Variants in MDGA1 observed in about 807,000 individuals in gnomAD.
The protein encoded by MDGA1 is MAM domain containing glycosylphosphatidylinositol anchor 1.
MDGA1 carries 54 observed loss-of-function variants against 101.5 expected under a neutral mutation model. That is an observed-to-expected ratio of 0.53 (90% CI 0.43 to 0.67). MDGA1 has a LOEUF of 0.67. MDGA1 is among the 30% of genes least tolerant of loss of function. The probability of loss-of-function intolerance (pLI) is 0.00; values close to 1 mark genes in which losing one functional copy is unlikely to be tolerated. For synonymous variants in MDGA1, 533 were observed against 558.3 expected (o/e 0.95, Z 0.64); for missense variants, 1,083 against 1,323.8 (o/e 0.82, Z 2.82).
intron 1 of MDGA1, among the ~76,000 whole-genome samples, chr6:37,694,246 A>G (rs1762372532): frequency 6.6e-6 from 1 of 152,246 alleles, no homozygotes; most frequent in African/African-American, 2.4e-5. Flanking sequence ...GCTGCAGGAT[A>G]GGACTCTGTG....
In MDGA1 at chr6:37,664,009, G is replaced by A; in HGVS notation, c.165C>T (p.Thr55=). The change falls in exon 2 of 17, where the codon ACC becomes ACT. Residue 55 remains threonine (T), a synonymous_variant. Transcript: ENST00000434837. ...CTGTTACAAGGCACTGCAGCATGAGGGTGTCCCCCTCCCGGATGGTGTAGA... is the reference window on the plus strand; with the variant it reads ...CTGTTACAAGGCACTGCAGCATGAGAGTGTCCCCCTCCCGGATGGTGTAGA... ...ERVYTIREGD[T]LMLQCLVTGH... 2 of 1,613,976 alleles carry A rather than the reference G, an allele frequency of 1.2e-6. No homozygotes were observed. The highest frequency in any genetic ancestry group is 1.1e-5 in the South Asian group (1 of 91,080).
intron 1 of MDGA1, among the ~76,000 whole-genome samples, chr6:37,681,053 G>A (rs931182115): frequency 1.3e-5 from 2 of 152,200 alleles, no homozygotes; most frequent in East Asian, 3.9e-4. Context: ...TGGCATGGGG[G>A]GTTAAGGGGG....
At chr6:37,654,252 C>T (rs1761430422) in intron 6 of MDGA1, 22 bp downstream of exon 6, 1 of 1,519,410 alleles carries the variant, frequency 6.6e-7, no homozygotes, top group Non-Finnish European at 8.8e-7. Flanking sequence ...ACTTCCCTCC[C>T]ACCCCTTCTG....
chr6:37,658,860 A>G (rs1186985875), intron 2 of MDGA1, among the ~76,000 whole-genome samples: 1 of 151,098 alleles, frequency 6.6e-6, no homozygotes, highest in Non-Finnish European at 1.5e-5. Context: ...GGTCCCAGCT[A>G]CTCAGGAAGC....
chr6:37,652,322 A>C lies in MDGA1; in HGVS notation c.1001T>G (p.Phe334Cys). The change falls in exon 7 of 17, where the codon TTC (phenylalanine) becomes TGC (cysteine). Residue 334 changes from phenylalanine to cysteine, a missense_variant. By Grantham distance (205) the Phe-to-Cys change is radical. Transcript: ENST00000434837. The surrounding 1 kb of genome is among the most constrained non-coding windows in gnomAD (Gnocchi z 4.3). ...TTTGATCACGTCAGGAGTGATCTGG[A>C]ATGTAGCGTTCTTCATGGCTGTGAG... The part of the protein sequence containing the change: ...LLVRSMKNAT[F>C]QITPDVIKES... 1 of 1,610,590 alleles carries C rather than the reference A, an allele frequency of 6.2e-7. No homozygotes were observed. The highest frequency in any genetic ancestry group is 8.5e-7 in the Non-Finnish European group (1 of 1,177,550).
intron 1 of MDGA1, among the ~76,000 whole-genome samples, chr6:37,674,743 C>A (rs773474758): frequency 2.6e-5 from 4 of 152,122 alleles, no homozygotes; most frequent in Admixed American, 6.5e-5. Context: ...CTGGTGGGTC[C>A]CAGGATGCCA....
chr6:37,647,188 T>C lies in MDGA1; in HGVS notation c.2031A>G (p.Arg677=). ...PDAVDPVLNY[R]LSIRQLNQHN... ...CTTGGCCCACCTGGCGGATGCTGAGTCTGTAGTTGAGCACAGGGTCGACAG... is the reference window on the plus strand; with the variant it reads ...CTTGGCCCACCTGGCGGATGCTGAGCCTGTAGTTGAGCACAGGGTCGACAG... The change falls in exon 10 of 17, where the codon AGA becomes AGG. Residue 677 remains arginine, a synonymous_variant. Transcript: ENST00000434837. The C allele has an allele frequency of 6.3e-7, 1 of 1,597,140 alleles. No homozygotes were observed. Among genetic ancestry groups the C allele is most frequent in the South Asian group, 1.1e-5 (1 of 87,784 alleles).
intron 1 of MDGA1, among the ~76,000 whole-genome samples, chr6:37,670,862 T>TC: frequency 6.6e-6 from 1 of 152,284 alleles, no homozygotes; most frequent in Non-Finnish European, 1.5e-5. Context: ...AACCGTCTTG[T>TC]CCAAGTCACT....
intron 3 of MDGA1, among the ~76,000 whole-genome samples, chr6:37,657,141 A>G (rs1376689328): frequency 2.1e-5 from 3 of 143,088 alleles, no homozygotes; most frequent in South Asian, 2.5e-4. Flanking sequence ...AGTACACTCT[A>G]TTGATTAATC....
intron 13 of MDGA1, 129 bp downstream of exon 13, chr6:37,644,368 C>G (rs1764173539): frequency 1.9e-6 from 2 of 1,041,308 alleles, no homozygotes; most frequent in Non-Finnish European, 2.6e-6. Context: ...CAGACCAGAG[C>G]TCCCTGAGAA....
chr6:37,654,364 C>T lies in MDGA1; in HGVS notation c.892G>A (p.Val298Met). 1 of 1,613,008 alleles carries T rather than the reference C, an allele frequency of 6.2e-7. No homozygotes were observed. Among genetic ancestry groups the T allele is most frequent in the Non-Finnish European group, 8.5e-7 (1 of 1,179,420 alleles). Reference sequence around the variant, plus strand: ...TAGTAGCCAGAGTCCCGGGCCTGCACTGAAGGGATGCTGAGGGTGCCACCC... The same window carrying T: ...TAGTAGCCAGAGTCCCGGGCCTGCATTGAAGGGATGCTGAGGGTGCCACCC... ...AQGGTLSIPS[V>M]QARDSGYYNC... The change falls in exon 6 of 17, where the codon GTG (valine) becomes ATG (methionine). Residue 298 changes from valine (V) to methionine (M), a missense_variant. By Grantham distance (21) the Val-to-Met change is conservative (BLOSUM62 1). Transcript: ENST00000434837.
At position 37,696,027 on chromosome 6, in the gene MDGA1, CAG is replaced by C. The variant is rs1251930487; in HGVS notation, c.67+716_67+717del. ...AGGAGCAAGGCTGCGTGGCAGGAGGCAGAGTTTGGACACGTATCCCGGTGGGT... is the reference window on the plus strand; with the variant it reads ...AGGAGCAAGGCTGCGTGGCAGGAGGCAGTTTGGACACGTATCCCGGTGGGT... On this transcript the variant is annotated intron_variant, in intron 1 of 16. Coordinates refer to ENST00000434837, the MANE Select transcript of MDGA1 (RefSeq NM_153487.4). This position sits in a 1 kb window ranked among gnomAD's most constrained non-coding sequence, Gnocchi z 5.6. 6.6e-6 allele frequency among the ~76,000 whole-genome samples: 1 copy of C among 152,130 alleles called. No individual in the cohort carries two copies. Among genetic ancestry groups the C allele is most frequent in the Non-Finnish European group, 1.5e-5 (1 of 68,018 alleles).
intron 14 of MDGA1, among the ~76,000 whole-genome samples, chr6:37,641,312 C>T (rs1171064904): frequency 6.6e-6 from 1 of 152,212 alleles, no homozygotes; most frequent in African/African-American, 2.4e-5. Flanking sequence ...AAGATTGATT[C>T]CCCTTCCCTC....
At chr6:37,654,568 T>C in intron 5 of MDGA1, 25 bp from the exon 6 acceptor site, 1 of 1,613,774 alleles carries the variant, frequency 6.2e-7, no homozygotes, top group Non-Finnish European at 8.5e-7. Context: ...AGGGGGGTCT[T>C]AGGGGACTGT....
In MDGA1 at chr6:37,637,195, G is replaced by C. The variant is rs1319338093; in HGVS notation, c.*173C>G. The C allele has an allele frequency of 8.5e-6, 5 of 586,080 alleles. No individual in the cohort carries two copies. In the African/African-American group the frequency reaches 9.4e-5, roughly 11 times the overall value. 36.3% of individuals were successfully genotyped at this position (586,080 alleles called of 1,614,324 possible). A position where few individuals can be genotyped will look rare whatever the true frequency, so the allele number is the denominator to read the frequency against. On this transcript the variant is annotated 3_prime_UTR_variant, in exon 17 of 17. Coordinates refer to ENST00000434837, the MANE Select transcript of MDGA1 (RefSeq NM_153487.4). ...TGGAACAGCTGTCTCCAGGGCCTCA[G>C]TGCCTGGCCTCTGTCCTTGTTCTCT...
Position 37,654,834 on chromosome 6 carries a change from G to T in MDGA1, c.678C>A (p.Asp226Glu), listed in dbSNP as rs746288335. ...TGGTGAGCCGGAAGGTGATGGCCTT[G>T]TCTGGGATGCCGCACACGTTACGCA... ...VSVRNVCGIP[D>E]KAITFRLTNT... The change falls in exon 5 of 17, where the codon GAC becomes GAA. Residue 226 changes from aspartate to glutamate, a missense_variant. This residue lies in a region of MDGA1 where 310 missense variants were observed against 355.9 expected (regional missense o/e 0.87). Coordinates refer to ENST00000434837, the MANE Select transcript of MDGA1 (RefSeq NM_153487.4). 6.2e-7 allele frequency: 1 copy of T among 1,613,820 alleles called. No individual in the cohort carries two copies.
At chr6:37,692,974 G>A (rs1762345394) in intron 1 of MDGA1, among the ~76,000 whole-genome samples, 1 of 152,204 alleles carries the variant, frequency 6.6e-6, no homozygotes, top group Admixed American at 6.5e-5. Flanking sequence ...TCTCCAGCCT[G>A]ACACCAAGGG....
intron 1 of MDGA1, among the ~76,000 whole-genome samples, chr6:37,680,488 A>G (rs1164993846): frequency 6.6e-6 from 1 of 152,252 alleles, no homozygotes; most frequent in South Asian, 2.1e-4. Context: ...ACTGAGGCAC[A>G]TGAAGACGAC....
rs1443082857 is a variant in MDGA1 at position 37,697,533 on chromosome 6, T to G, written c.-722A>C. The G allele has an allele frequency of 6.6e-6, 1 of 152,058 alleles. No homozygotes were observed. Among genetic ancestry groups the G allele is most frequent in the African/African-American group, 2.4e-5 (1 of 41,414 alleles). 9.4% of individuals were successfully genotyped at this position (152,058 alleles called of 1,614,324 possible). ...CGCCCCGCGGGAATCTGGAGAGCAATTCCAGGCAAGAAGGGCCCCAGAAAA... is the reference window on the plus strand; with the variant it reads ...CGCCCCGCGGGAATCTGGAGAGCAAGTCCAGGCAAGAAGGGCCCCAGAAAA... On this transcript the variant is annotated 5_prime_UTR_variant, in exon 1 of 17. Transcript: ENST00000434837.
Sources: allele counts gnomAD v4.1 joint callset (sites outside exome capture counted in the v4.1 genomes callset), GRCh38; gene constraint gnomAD v4.1.1; regional missense constraint gnomAD v4.1.1; non-coding constraint Gnocchi (gnomAD v3.1); transcripts MANE v1.5; gene names NCBI Gene and HGNC (gene_info 2026-07-23, HGNC 2026-07-21).